Variants in CEP350 observed in about 807,000 individuals in gnomAD.
CEP350 encodes centrosomal protein 350.
In CEP350, 126 loss-of-function variants were observed where a neutral mutation model predicts 331.8. That is an observed-to-expected ratio of 0.38 (90% confidence interval 0.33 to 0.44). The LOEUF is 0.44. Among genes scored for constraint, CEP350 ranks in the 20% least tolerant of loss-of-function variants. The pLI, the probability that CEP350 is intolerant of heterozygous loss-of-function variation, is 1.00. For missense variants in CEP350, 3,406 were observed against 3,634.6 expected, an observed-to-expected ratio of 0.94 and a Z score of 1.62; for synonymous variants, 1,200 against 1,259.5, an observed-to-expected ratio of 0.95 and a Z score of 1.00.
Position 180,048,556 on chromosome 1 carries a change from G to A in CEP350, c.4643G>A (p.Arg1548His), listed in dbSNP as rs368048303. 8.7e-6 allele frequency: 14 copies of A among 1,604,678 alleles called. No homozygotes were observed. Among genetic ancestry groups the A allele is most frequent in the South Asian group, 3.4e-5 (3 of 89,366 alleles). The part of the protein sequence containing the change: ...HDRRSSSGSS[R>H]QESPSVPSCK... ...AAAAGAAGTAGCAGTGGTAGCAGCCGCCAAGAAAGTCCTTCAGTTCCATCT... is the reference window on the plus strand; with the variant it reads ...AAAAGAAGTAGCAGTGGTAGCAGCCACCAAGAAAGTCCTTCAGTTCCATCT... The change falls in exon 22 of 38, where the codon CGC (arginine) becomes CAC (histidine). Residue 1548 changes from arginine (R) to histidine (H), a missense_variant. Physicochemically the swap from Arg to His is conservative, Grantham distance 29. Around this residue, in one of 5 missense-constraint regions of CEP350, gnomAD observed 1,857 missense variants for 1,909.2 expected, o/e 0.97. Transcript: ENST00000367607.
At chr1:179,991,846 A>G (rs910141034) in intron 4 of CEP350, among the ~76,000 whole-genome samples, 5 of 151,882 alleles carry the variant, frequency 3.3e-5, no homozygotes, top group Non-Finnish European at 7.4e-5. Context: ...GTTTCCTCAG[A>G]ATACAATTTC....
chr1:180,021,075 T>C (rs1301022867), intron 12 of CEP350, 66 bp downstream of exon 12: 1 of 1,366,902 alleles, frequency 7.3e-7, no homozygotes, highest in African/African-American at 1.5e-5. Context: ...AATTTCTGTA[T>C]GAGATATGTA....
intron 22 of CEP350, chr1:180,052,417 G>A (rs1422122951): frequency 9.1e-6 from 3 of 328,142 alleles, no homozygotes; most frequent in Non-Finnish European, 1.8e-5. Context: ...TTCTAGGGCT[G>A]TAGGGAAAAT....
At chr1:179,969,829 A>G (rs1651304234) in intron 1 of CEP350, among the ~76,000 whole-genome samples, 1 of 152,110 alleles carries the variant, frequency 6.6e-6, no homozygotes, top group Non-Finnish European at 1.5e-5. Flanking sequence ...TCTACTTCCT[A>G]TCCTGGACCC....
chr1:180,048,771 T>A (rs754806907), intron 22 of CEP350, 66 bp downstream of exon 22: 3 of 1,299,922 alleles, frequency 2.3e-6, no homozygotes, highest in Non-Finnish European at 3.2e-6. Flanking sequence ...TGATCCTTGT[T>A]ATAAAGTGGC....
At chr1:180,041,638 T>C (rs1306518620) in intron 18 of CEP350, 24 bp from the exon 19 acceptor site, 3 of 1,594,824 alleles carry the variant, frequency 1.9e-6, no homozygotes, top group Admixed American at 3.5e-5. Flanking sequence ...CATAACTTCT[T>C]TTTTAAACCC....
At chr1:180,045,191 A>T (rs909141863) in intron 21 of CEP350, among the ~76,000 whole-genome samples, 2 of 152,112 alleles carry the variant, frequency 1.3e-5, no homozygotes, top group African/African-American at 4.8e-5. Context: ...AAAAAACAAA[A>T]ATTAGCCATG....
At chr1:180,002,586 C>T (rs1653939859) in intron 6 of CEP350, among the ~76,000 whole-genome samples, 1 of 151,896 alleles carries the variant, frequency 6.6e-6, no homozygotes, top group African/African-American at 2.4e-5. Flanking sequence ...ACTGTATGAC[C>T]CAGGAATTCT....
intron 31 of CEP350, 87 bp downstream of exon 31, chr1:180,084,265 G>T: frequency 8.2e-7 from 1 of 1,220,492 alleles, no homozygotes; most frequent in Non-Finnish European, 1.1e-6. Context: ...ATAAAGTAAT[G>T]GATTAGGATT....
At chr1:180,102,089 A>C (rs1200231858) in intron 37 of CEP350, among the ~76,000 whole-genome samples, 1 of 150,798 alleles carries the variant, frequency 6.6e-6, no homozygotes, top group Non-Finnish European at 1.5e-5. Context: ...GGAACATTAG[A>C]GTGAAAGGAG....
At chr1:180,024,173 C>T (rs1655515537) in intron 13 of CEP350, among the ~76,000 whole-genome samples, 1 of 151,802 alleles carries the variant, frequency 6.6e-6, no homozygotes, top group Non-Finnish European at 1.5e-5. Context: ...CAGTATTCAA[C>T]ATTATACATT....
chr1:180,044,148 T>A lies in CEP350; in HGVS notation c.4597T>A (p.Ser1533Thr). 1 of 1,568,292 alleles carries A rather than the reference T, an allele frequency of 6.4e-7. No homozygotes were observed. Among genetic ancestry groups the A allele is most frequent in the Non-Finnish European group, 8.7e-7 (1 of 1,155,362 alleles). ...SASYDSYSES[S>T]GYKNHDRRSS... is the part of the protein sequence containing the mutation. ...TTCATATGATAGTTATTCTGAGTCTTCAGGATACAAGAATCATGATAGAAG... is the reference window on the plus strand; with the variant it reads ...TTCATATGATAGTTATTCTGAGTCTACAGGATACAAGAATCATGATAGAAG... Residue 1533 changes from serine (S) to threonine (T), a missense_variant, in exon 21 of 38, where the codon TCA becomes ACA. Physicochemically the swap from Ser to Thr is moderately conservative, Grantham distance 58. Transcript: ENST00000367607.
chr1:179,978,558 C>G (rs1396548291), intron 1 of CEP350, among the ~76,000 whole-genome samples: 1 of 152,066 alleles, frequency 6.6e-6, no homozygotes, highest in Admixed American at 6.6e-5. Flanking sequence ...CCTCCCAGCC[C>G]CTACTAACCT....
intron 11 of CEP350, 50 bp from the exon 12 acceptor site, chr1:180,019,899 T>C (rs765524288): frequency 1.3e-6 from 2 of 1,504,626 alleles, no homozygotes; most frequent in South Asian, 1.4e-5. Context: ...AAAAAAACTT[T>C]TTTAAAATGG....
chr1:180,066,354 A>G (rs1455934167), intron 27 of CEP350, among the ~76,000 whole-genome samples: 1 of 152,232 alleles, frequency 6.6e-6, no homozygotes, highest in African/African-American at 2.4e-5. Context: ...ACCATTTTAA[A>G]TTCGCAATTT....
intron 27 of CEP350, among the ~76,000 whole-genome samples, chr1:180,070,819 G>C (rs1658831213): frequency 6.6e-6 from 1 of 152,192 alleles, no homozygotes; most frequent in Non-Finnish European, 1.5e-5. Context: ...TTGAATAGCT[G>C]TACAGAGCAA....
intron 36 of CEP350, among the ~76,000 whole-genome samples, chr1:180,097,160 T>TA (rs1403859953): frequency 6.6e-6 from 1 of 152,262 alleles, no homozygotes; most frequent in Admixed American, 6.5e-5. Flanking sequence ...CTATGGCCCA[T>TA]AAGCCAAATC....
chr1:180,087,624 A>G lies in CEP350; in HGVS notation c.6332A>G (p.Asp2111Gly), dbSNP rs1659941876. ...IKKTEAELSQDLETSPTAKPQ... is the reference protein window; with the variant it reads ...IKKTEAELSQGLETSPTAKPQ... ...AAAACTGAAGCCGAGCTTAGCCAAG[A>G]TTTGGAAACATCACCAACAGCCAAG... Residue 2111 changes from aspartate (D) to glycine (G), a missense_variant, in exon 32 of 38, where the codon GAT becomes GGT. By Grantham distance (94) the Asp-to-Gly change is moderately conservative (BLOSUM62 -1). This residue lies in a region of CEP350 where 1,415 missense variants were observed against 1,512.3 expected (regional missense o/e 0.94). Coordinates refer to ENST00000367607, the MANE Select transcript of CEP350 (RefSeq NM_014810.5). 1 of 1,552,908 alleles carries G rather than the reference A, an allele frequency of 6.4e-7. No individual in the cohort carries two copies. Among genetic ancestry groups the G allele is most frequent in the Non-Finnish European group, 8.7e-7 (1 of 1,146,792 alleles).
intron 5 of CEP350, among the ~76,000 whole-genome samples, chr1:179,995,394 A>G (rs1193306564): frequency 6.6e-6 from 1 of 152,170 alleles, no homozygotes; most frequent in African/African-American, 2.4e-5. Context: ...TGAGGTCAGG[A>G]GTTCAAGACC....
Sources: gnomAD v4.1 joint callset for allele counts (sites outside exome capture counted in the v4.1 genomes callset) on GRCh38, gnomAD v4.1.1 for gene constraint, gnomAD v4.1.1 regional missense constraint, MANE v1.5 for transcripts, NCBI Gene and HGNC (gene_info 2026-07-23, HGNC 2026-07-21) for gene names.